The following GLRA1 variants were observed in gnomAD, a reference collection of about 807,000 sequenced individuals.
GLRA1 encodes glycine receptor alpha 1, also known as glycine receptor subunit alpha-1.
In GLRA1, 37 loss-of-function variants were observed where a neutral mutation model predicts 48.3. That is an observed-to-expected ratio of 0.77 (90% confidence interval 0.59 to 1.01). The LOEUF is 1.01. GLRA1 is among the 50% of genes least tolerant of loss of function. The pLI is 0.00. For missense variants in GLRA1, 427 were observed against 571.0 expected (o/e 0.75, Z 2.57); for synonymous variants, 196 against 210.7 (o/e 0.93, Z 0.60).
rs115190284 is a variant in GLRA1, at chr5:151,887,526, A to G, written c.185-738T>C. Among the ~76,000 whole-genome samples the G allele has an allele frequency of 1.6e-3, 243 of 152,338 alleles. 1 individual carries two copies. The highest frequency in any genetic ancestry group is 5.4e-3 in the African/African-American group (226 of 41,570). On this transcript the variant is annotated intron_variant, in intron 2 of 8. Transcript: ENST00000274576. ...TTCATTTCATCATTTCAACAACTCCAGGAGAAGGTATGGTTATTACCTTCA... is the reference window on the plus strand; with the variant it reads ...TTCATTTCATCATTTCAACAACTCCGGGAGAAGGTATGGTTATTACCTTCA...
At chr5:151,881,619 A>G (rs1753765736) in intron 3 of GLRA1, among the ~76,000 whole-genome samples, 1 of 151,656 alleles carries the variant, frequency 6.6e-6, no homozygotes, top group Non-Finnish European at 1.5e-5. Context: ...TACAGGTATA[A>G]GCCACTGCAT....
At chr5:151,891,040 T>C (rs1228564089) in intron 2 of GLRA1, among the ~76,000 whole-genome samples, 1 of 152,160 alleles carries the variant, frequency 6.6e-6, no homozygotes, top group Non-Finnish European at 1.5e-5. Context: ...GAGCAAATAT[T>C]AGGAAGCTGT....
Position 151,873,002 on chromosome 5 carries a change from C to G in GLRA1, c.253-12994G>C, listed in dbSNP as rs1753527014. Among the ~76,000 whole-genome samples the G allele has an allele frequency of 2.0e-5, 3 of 149,768 alleles. 1 individual carries two copies. The South Asian group carries it at 6.2e-4, about 31-fold the overall frequency. On this transcript the variant is annotated intron_variant, in intron 3 of 8. Transcript: ENST00000274576. ...TAAATTTTATTACCTCAGGATAGGA[C>G]AAAGGGAATTGGAGGGGAGGGCAAA... is the stretch of plus-strand genomic sequence containing the variant.
chr5:151,875,432 C>T (rs1753600089), intron 3 of GLRA1: 1 of 152,170 alleles, frequency 6.6e-6, no homozygotes, highest in South Asian at 2.1e-4. Context: ...CCTCAGCCTC[C>T]CAGAGTGCTA....
At chr5:151,891,393 C>T (rs1397923926) in intron 2 of GLRA1, among the ~76,000 whole-genome samples, 1 of 152,138 alleles carries the variant, frequency 6.6e-6, no homozygotes, top group Non-Finnish European at 1.5e-5. Flanking sequence ...AAATTGGCAA[C>T]CCACAGGGCA....
At chr5:151,888,818 AT>A (rs1354581838) in intron 2 of GLRA1, among the ~76,000 whole-genome samples, 1 of 152,148 alleles carries the variant, frequency 6.6e-6, no homozygotes, top group African/African-American at 2.4e-5. Context: ...TGGGAAACTC[AT>A]TTTGTCTTAA....
chr5:151,839,258 T>G (rs1763653119), intron 7 of GLRA1, among the ~76,000 whole-genome samples: 1 of 152,190 alleles, frequency 6.6e-6, no homozygotes, highest in Non-Finnish European at 1.5e-5. Flanking sequence ...CCCTTTAGGC[T>G]GAAATAAAAG....
intron 1 of GLRA1, among the ~76,000 whole-genome samples, chr5:151,920,872 T>A (rs1422621884): frequency 6.6e-6 from 1 of 152,132 alleles, no homozygotes; most frequent in Admixed American, 6.5e-5. Context: ...TCTGCCCTTC[T>A]TGACAAGCCT....
At chr5:151,903,573 C>T (rs899609670) in intron 1 of GLRA1, among the ~76,000 whole-genome samples, 4 of 152,178 alleles carry the variant, frequency 2.6e-5, no homozygotes, top group Admixed American at 1.3e-4. Flanking sequence ...GTAGTAGAGT[C>T]GTAGAATTAC....
chr5:151,844,621 C>CAAAAAAAAAAAAAAAAAAAAA (rs202218874), intron 7 of GLRA1, among the ~76,000 whole-genome samples: 44 of 49,676 alleles, frequency 8.9e-4, no homozygotes, highest in East Asian at 1.8e-3. Flanking sequence ...TACTCTATCT[C>CAAAAAAAAAAAAAAAAAAAAA]AAAAAAAAAA....
At chr5:151,867,888 G>A (rs1753377484) in intron 3 of GLRA1, among the ~76,000 whole-genome samples, 1 of 152,194 alleles carries the variant, frequency 6.6e-6, no homozygotes, top group South Asian at 2.1e-4. Context: ...TAGCACCATT[G>A]AAGACTTAAG....
chr5:151,824,216 C>A (rs1021567893), intron 8 of GLRA1, among the ~76,000 whole-genome samples: 4 of 151,656 alleles, frequency 2.6e-5, no homozygotes, highest in African/African-American at 9.7e-5. Flanking sequence ...CCAGTCTGGT[C>A]TTGAACTCCT....
intron 7 of GLRA1, chr5:151,849,752 C>G: frequency 2.4e-6 from 1 of 412,000 alleles, no homozygotes. Context: ...CGTGGTTTCA[C>G]TATGTTGGCC....
rs115505959 is a variant in GLRA1, at chr5:151,881,554, T to C, written c.252+5167A>G. 8.2e-3 allele frequency among the ~76,000 whole-genome samples: 1,231 copies of C among 149,510 alleles called. 15 individuals are homozygous for C. Among genetic ancestry groups the C allele is most frequent in the African/African-American group, 0.029 (1,179 of 40,544 alleles). Reference sequence around the variant, plus strand: ...ATTTCACCATTTGCCCAGGCTGGTCTCGAACTCCCGGGCTCAAGCAATCTG... The same window carrying C: ...ATTTCACCATTTGCCCAGGCTGGTCCCGAACTCCCGGGCTCAAGCAATCTG... On this transcript the variant is annotated intron_variant, in intron 3 of 8. Coordinates refer to ENST00000274576, the MANE Select transcript of GLRA1 (RefSeq NM_000171.4).
chr5:151,823,514 G>C (rs1015168037), intron 8 of GLRA1, among the ~76,000 whole-genome samples: 15 of 152,220 alleles, frequency 9.9e-5, no homozygotes, highest in Non-Finnish European at 1.8e-4. Flanking sequence ...TGGGTGGTAA[G>C]GGGGATGGCT....
In GLRA1 at chr5:151,829,173, C is replaced by G. The variant is rs1667490789; in HGVS notation, c.913-106G>C. The G allele has an allele frequency of 3.8e-6, 4 of 1,047,896 alleles. No individual in the cohort carries two copies. In the Admixed American group the frequency reaches 5.6e-5, roughly 15 times the overall value. The allele number at this position is 1,047,896 out of a possible 1,614,324, so 64.9% of individuals were successfully genotyped here. On this transcript the variant is annotated intron_variant, in intron 7 of 8. Coordinates refer to ENST00000274576, the MANE Select transcript of GLRA1 (RefSeq NM_000171.4). ...CTTCGGTAATTCCCCACATCACCCACTGCTGTCTGCTTCTCAGCTGGGATA... is the reference window on the plus strand; with the variant it reads ...CTTCGGTAATTCCCCACATCACCCAGTGCTGTCTGCTTCTCAGCTGGGATA...
intron 4 of GLRA1, 44 bp downstream of exon 4, chr5:151,859,741 G>T: frequency 7.3e-7 from 1 of 1,378,332 alleles, no homozygotes; most frequent in Non-Finnish European, 1.0e-6. Context: ...AGTGGGGCAA[G>T]ACATGTTCTG....
chr5:151,828,999 T>C lies in GLRA1; in HGVS notation c.981A>G (p.Leu327=), dbSNP rs769499149. 13 of 1,614,176 alleles carry C rather than the reference T, an allele frequency of 8.1e-6. No individual in the cohort carries two copies. The South Asian group carries it at 1.1e-4, about 14-fold the overall frequency. ...VCLLFVFSAL[L]EYAAVNFVSR... ...ACACAAAGTTAACGGCAGCATATTCTAATAGGGCTGAGAACACAAAGAGCA... is the reference window on the plus strand; with the variant it reads ...ACACAAAGTTAACGGCAGCATATTCCAATAGGGCTGAGAACACAAAGAGCA... Residue 327 remains leucine, a synonymous_variant, in exon 8 of 9, where the codon TTA becomes TTG. Transcript: ENST00000274576.
chr5:151,857,122 C>T (rs1178792538), intron 4 of GLRA1, among the ~76,000 whole-genome samples: 1 of 152,234 alleles, frequency 6.6e-6, no homozygotes, highest in South Asian at 2.1e-4. Context: ...CGACAAACCT[C>T]TTTTCCCACC....
Sources: gnomAD v4.1 joint callset for allele counts (sites outside exome capture counted in the v4.1 genomes callset) on GRCh38, gnomAD v4.1.1 for gene constraint, MANE v1.5 for transcripts, NCBI Gene and HGNC (gene_info 2026-07-23, HGNC 2026-07-21) for gene names.